PPARGC1A: variants seen among roughly 807,000 people sequenced by gnomAD.
PPARGC1A encodes the protein peroxisome proliferator-activated receptor gamma coactivator 1-alpha.
In PPARGC1A, 25 loss-of-function variants were observed where a neutral mutation model predicts 88.7. The ratio of observed to expected loss-of-function variants is 0.28; its 90% CI spans 0.21 to 0.39. The LOEUF (loss-of-function observed/expected upper bound fraction) is 0.39, where lower values mean the gene tolerates loss of function less well. PPARGC1A is among the 10% of genes least tolerant of loss of function. The pLI is 1.00. For missense variants in PPARGC1A, 880 were observed against 968.7 expected (o/e 0.91, Z 1.22); for synonymous variants, 363 against 355.6 (o/e 1.02, Z -0.24).
chr4:24,422,075 C>T, the PPARGC1A span, among the ~76,000 whole-genome samples: 102 of 152,308 alleles, frequency 6.7e-4, 1 homozygote, highest in Non-Finnish European at 1.2e-3. Flanking sequence ...CAGGGGTCAG[C>T]AAACTATGGC....
chr4:24,139,907 C>A, the PPARGC1A span, among the ~76,000 whole-genome samples: 1 of 152,168 alleles, frequency 6.6e-6, no homozygotes, highest in South Asian at 2.1e-4. Flanking sequence ...ACCTAAAAGG[C>A]AACATCTCTG....
the PPARGC1A span, among the ~76,000 whole-genome samples, chr4:23,910,256 A>C: frequency 2.6e-5 from 2 of 77,654 alleles, no homozygotes; most frequent in Non-Finnish European, 5.8e-5. Context: ...AATATATATT[A>C]TATATATTAA....
chr4:24,190,249 C>T, the PPARGC1A span, among the ~76,000 whole-genome samples: 1 of 152,208 alleles, frequency 6.6e-6, no homozygotes, highest in Non-Finnish European at 1.5e-5. Flanking sequence ...GGTACGGAGG[C>T]TCACGCCTGT....
chr4:24,286,764 C>T, the PPARGC1A span, among the ~76,000 whole-genome samples: 1 of 152,302 alleles, frequency 6.6e-6, no homozygotes, highest in South Asian at 2.1e-4. Context: ...TATCTCACAG[C>T]TTCAGTGAAC....
At chr4:24,115,840 A>C in the PPARGC1A span, among the ~76,000 whole-genome samples, 1 of 152,184 alleles carries the variant, frequency 6.6e-6, no homozygotes, top group Non-Finnish European at 1.5e-5. Flanking sequence ...ACGTTGTCTA[A>C]AGGAAGATCT....
chr4:23,942,375 A>G, the PPARGC1A span, among the ~76,000 whole-genome samples: 1 of 152,204 alleles, frequency 6.6e-6, no homozygotes, highest in East Asian at 1.9e-4. Flanking sequence ...TCAATTCTGC[A>G]TGGTCAGGTT....
the PPARGC1A span, among the ~76,000 whole-genome samples, chr4:24,222,114 C>T: frequency 2.6e-5 from 4 of 152,130 alleles, no homozygotes; most frequent in African/African-American, 9.7e-5. Context: ...TGACTCTGGG[C>T]TTGAGTCAAA....
the PPARGC1A span, among the ~76,000 whole-genome samples, chr4:24,237,450 T>C: frequency 6.6e-6 from 1 of 152,192 alleles, no homozygotes; most frequent in African/African-American, 2.4e-5. Context: ...AAATCTCCAT[T>C]CCTCATTCAG....
the PPARGC1A span, among the ~76,000 whole-genome samples, chr4:24,047,040 C>A: frequency 4.6e-5 from 7 of 152,164 alleles, no homozygotes; most frequent in African/African-American, 1.7e-4. Context: ...GACTGACAAA[C>A]CATTGAAGAC....
At chr4:24,190,528 TTAAAA>T in the PPARGC1A span, among the ~76,000 whole-genome samples, 6 of 151,970 alleles carry the variant, frequency 3.9e-5, no homozygotes, top group East Asian at 5.8e-4. Context: ...AAAATAAAAA[TTAAAA>T]TAAAATAATA....
chr4:24,195,962 T>C, the PPARGC1A span, among the ~76,000 whole-genome samples: 42 of 152,306 alleles, frequency 2.8e-4, no homozygotes, highest in South Asian at 2.9e-3. Context: ...ATTTACAAGT[T>C]GGGAAGTCAG....
At chr4:23,908,907 T>C (rs1189039372), upstream of PPARGC1A, among the ~76,000 whole-genome samples, 1 of 152,184 alleles carries the variant, frequency 6.6e-6, no homozygotes, top group Non-Finnish European at 1.5e-5. Flanking sequence ...TCAATCAGAA[T>C]TCACTACACT....
chr4:24,138,921 C>T, the PPARGC1A span, among the ~76,000 whole-genome samples: 10 of 152,278 alleles, frequency 6.6e-5, no homozygotes, highest in South Asian at 1.0e-3. Flanking sequence ...AGACACTCTG[C>T]GGCCTCTCCC....
chr4:24,318,470 A>T, the PPARGC1A span, among the ~76,000 whole-genome samples: 1 of 152,256 alleles, frequency 6.6e-6, no homozygotes, highest in Admixed American at 6.5e-5. Flanking sequence ...CAAAGTAAGT[A>T]CTTTCACTCT....
At chr4:24,325,414 A>C in the PPARGC1A span, among the ~76,000 whole-genome samples, 1 of 152,170 alleles carries the variant, frequency 6.6e-6, no homozygotes, top group South Asian at 2.1e-4. Flanking sequence ...TCCAGCACAC[A>C]AGAACTTCCA....
chr4:24,443,373 C>T, the PPARGC1A span, among the ~76,000 whole-genome samples: 1 of 151,644 alleles, frequency 6.6e-6, no homozygotes, highest in Non-Finnish European at 1.5e-5. Context: ...GATGACGTCA[C>T]ACCTGAACAC....
At chr4:23,922,049 G>T in the PPARGC1A span, among the ~76,000 whole-genome samples, 2 of 152,198 alleles carry the variant, frequency 1.3e-5, no homozygotes, top group Non-Finnish European at 2.9e-5. Flanking sequence ...AAGGTTAGCA[G>T]AGCAGAGAAA....
At chr4:24,440,089 ATAAT>A in the PPARGC1A span, among the ~76,000 whole-genome samples, 1 of 152,214 alleles carries the variant, frequency 6.6e-6, no homozygotes, top group Non-Finnish European at 1.5e-5. Flanking sequence ...CCCTATAACA[ATAAT>A]TATGTGTGCA....
chr4:24,019,739 A>G, the PPARGC1A span, among the ~76,000 whole-genome samples: 4 of 152,236 alleles, frequency 2.6e-5, no homozygotes, highest in Non-Finnish European at 5.9e-5. Flanking sequence ...ATTGAACATA[A>G]AAGTTGTTGC....
Sources: gnomAD v4.1 joint callset for allele counts (sites outside exome capture counted in the v4.1 genomes callset) on GRCh38, gnomAD v4.1.1 for gene constraint, MANE v1.5 for transcripts, NCBI Gene and HGNC (gene_info 2026-07-23, HGNC 2026-07-21) for gene names.